Variants in SIDT1 observed in about 807,000 individuals in gnomAD.
The protein encoded by SIDT1 is SID1 transmembrane family member 1.
A neutral mutation model predicts 107.5 loss-of-function variants in SIDT1; 101 were observed. The ratio of observed to expected loss-of-function variants is 0.94; its 90% CI spans 0.80 to 1.11. The LOEUF is 1.11. Ranked by LOEUF, SIDT1 falls within the 50% of genes least tolerant of loss-of-function variation. The pLI is 0.00. For missense variants in SIDT1, 1,076 were observed against 1,058.2 expected, an observed-to-expected ratio of 1.02 and a Z score of -0.23; for synonymous variants, 395 against 398.2, an observed-to-expected ratio of 0.99 and a Z score of 0.10.
At chr3:113,551,353 T>G (rs1390085459) in intron 1 of SIDT1, among the ~76,000 whole-genome samples, 1 of 152,260 alleles carries the variant, frequency 6.6e-6, no homozygotes, top group East Asian at 1.9e-4. Flanking sequence ...CCCAATCTCT[T>G]CCCACTTAAC....
chr3:113,533,348 AC>A (rs1253398036), intron 1 of SIDT1, 105 bp downstream of exon 1: 8 of 884,006 alleles, frequency 9.0e-6, no homozygotes, highest in African/African-American at 3.6e-5. Context: ...GACTTCGGGG[AC>A]CAGGGGACTT....
chr3:113,566,385 C>G (rs996441378), intron 1 of SIDT1, 35 bp from the exon 2 acceptor site: 9 of 1,601,548 alleles, frequency 5.6e-6, no homozygotes, highest in Non-Finnish European at 7.7e-6. Flanking sequence ...TGCATGTGCA[C>G]GTTTTGCATT....
intron 15 of SIDT1, 58 bp downstream of exon 15, chr3:113,607,172 T>TC: frequency 8.8e-7 from 1 of 1,140,988 alleles, no homozygotes; most frequent in Non-Finnish European, 1.3e-6. Flanking sequence ...CTGTCTAATG[T>TC]TGTGATTTCG....
intron 3 of SIDT1, among the ~76,000 whole-genome samples, chr3:113,576,039 C>T (rs1412873240): frequency 6.6e-6 from 1 of 152,182 alleles, no homozygotes; most frequent in Non-Finnish European, 1.5e-5. Context: ...AGAGAAAAAG[C>T]CCAAAGTAGT....
At chr3:113,572,560 G>A (rs1942553266) in intron 3 of SIDT1, among the ~76,000 whole-genome samples, 1 of 152,194 alleles carries the variant, frequency 6.6e-6, no homozygotes, top group Non-Finnish European at 1.5e-5. Flanking sequence ...ATGAGTGGCA[G>A]TGTGGAAGAG....
chr3:113,604,218 C>A (rs1576926643), intron 13 of SIDT1, among the ~76,000 whole-genome samples, 185 bp downstream of exon 13: 1 of 152,328 alleles, frequency 6.6e-6, no homozygotes, highest in South Asian at 2.1e-4. Flanking sequence ...CCCTCCCAGC[C>A]AAGAGGCTGA....
In SIDT1 at chr3:113,621,551, T is replaced by C. The variant is rs1024358229; in HGVS notation, c.2090+1825T>C. 2.0e-5 allele frequency among the ~76,000 whole-genome samples: 3 copies of C among 152,350 alleles called. No individual in the cohort carries two copies. In the East Asian group the frequency reaches 5.8e-4, roughly 29 times the overall value. On this transcript the variant is annotated intron_variant, in intron 21 of 24. Coordinates refer to ENST00000264852, the MANE Select transcript of SIDT1 (RefSeq NM_017699.3). Reference sequence around the variant, plus strand: ...ACTTAGGAATAAATTTTGAGAGATGTACACAATCTTTCTGTAGAAAATGTA... The same window carrying C: ...ACTTAGGAATAAATTTTGAGAGATGCACACAATCTTTCTGTAGAAAATGTA...
At position 113,626,131 on chromosome 3, in the gene SIDT1, C is replaced by A; in HGVS notation, c.2337C>A (p.Asn779Lys). The change falls in exon 24 of 25, where the codon AAC becomes AAA. Residue 779 changes from asparagine (N) to lysine (K), a missense_variant. Transcript: ENST00000264852. ...EGTPAESREK[N>K]RECILLDFFD... ...CTCCGGCCGAATCCCGGGAGAAGAA[C>A]CGCGAGTGCATTCTGCTGGATTTCT... The A allele has an allele frequency of 3.1e-6, 5 of 1,614,110 alleles. No individual in the cohort carries two copies. The highest frequency in any genetic ancestry group is 4.2e-6 in the Non-Finnish European group (5 of 1,179,974).
intron 6 of SIDT1, 25 bp downstream of exon 6, chr3:113,581,469 T>C (rs769576871): frequency 6.3e-7 from 1 of 1,575,872 alleles, no homozygotes; most frequent in Non-Finnish European, 8.7e-7. Context: ...CTGTGGGCAT[T>C]ATTGCCAATG....
At chr3:113,626,348 G>A in intron 24 of SIDT1, 133 bp downstream of exon 24, 1 of 596,666 alleles carries the variant, frequency 1.7e-6, no homozygotes, top group Non-Finnish European at 2.9e-6. Context: ...GTAATTCAAT[G>A]TACAGACCAT....
intron 24 of SIDT1, 84 bp downstream of exon 24, chr3:113,626,299 T>C: frequency 1.2e-6 from 1 of 860,300 alleles, no homozygotes; most frequent in South Asian, 1.5e-5. Context: ...CTTACTTTTT[T>C]TTATATTCCT....
At chr3:113,583,523 T>G (rs746117040) in intron 7 of SIDT1, 27 bp downstream of exon 7, 1 of 1,513,496 alleles carries the variant, frequency 6.6e-7, no homozygotes, top group South Asian at 1.3e-5. Flanking sequence ...AACACTTGGC[T>G]GCTTAGCAAA....
In SIDT1 at chr3:113,611,160, T is replaced by C. The variant is rs1350076002; in HGVS notation, c.1857+16T>C. ...CCTTGGAGTGGTGCGTCCCCCACCT[T>C]CTTCCACCTGGCTCTCGAAAAGTGC... On this transcript the variant is annotated intron_variant, in intron 18 of 24. Coordinates refer to ENST00000264852, the MANE Select transcript of SIDT1 (RefSeq NM_017699.3). 6.2e-6 allele frequency: 10 copies of C among 1,611,374 alleles called. No individual in the cohort carries two copies. Among genetic ancestry groups the C allele is most frequent in the Non-Finnish European group, 8.5e-6 (10 of 1,178,402 alleles).
chr3:113,571,486 G>GCGCACA (rs1553789357), intron 3 of SIDT1, among the ~76,000 whole-genome samples: 1 of 148,852 alleles, frequency 6.7e-6, no homozygotes, highest in African/African-American at 2.5e-5. Context: ...CCTATCCTCT[G>GCGCACA]CACACACACA....
chr3:113,612,429 C>A lies in SIDT1; in HGVS notation c.1966+235C>A, dbSNP rs1271663277. 5.1e-6 allele frequency: 3 copies of A among 586,656 alleles called. No individual in the cohort carries two copies. The Admixed American group carries it at 6.5e-5, about 13-fold the overall frequency. The allele number at this position is 586,656 out of a possible 1,614,324, so 36.3% of individuals were successfully genotyped here. On this transcript the variant is annotated intron_variant, in intron 19 of 24. Transcript: ENST00000264852. Reference sequence around the variant, plus strand: ...AGCTGAGAAACTAAGGTTTGCCACACCTCAGAGATGAGTTGTACCTCCAAC... The same window carrying A: ...AGCTGAGAAACTAAGGTTTGCCACAACTCAGAGATGAGTTGTACCTCCAAC...
intron 11 of SIDT1, chr3:113,601,999 C>A: frequency 5.2e-6 from 1 of 192,200 alleles, no homozygotes; most frequent in Non-Finnish European, 1.1e-5. Flanking sequence ...CATCAATTGA[C>A]CAGTTGTTTC....
chr3:113,615,386 A>C (rs950357), intron 19 of SIDT1, among the ~76,000 whole-genome samples: 41,664 of 152,118 alleles, frequency 0.27, 6,988 homozygotes, highest in Non-Finnish European at 0.37. Context: ...TGCTTTGGGC[A>C]GACCCAGACT....
chr3:113,599,501 G>A (rs1323798551), intron 10 of SIDT1, among the ~76,000 whole-genome samples: 1 of 152,194 alleles, frequency 6.6e-6, no homozygotes, highest in Non-Finnish European at 1.5e-5. Context: ...TGTCTTTTCA[G>A]TTAAAAAGAT....
chr3:113,532,601 A>T lies in SIDT1; in HGVS notation c.-421A>T, dbSNP rs1937604506. ...TCCTCCTCGATGTGGCGTCAGGTTG[A>T]CTTTTCGAGACTAGCGGGTATTTCT... On this transcript the variant is annotated 5_prime_UTR_variant, in exon 1 of 25. Coordinates refer to ENST00000264852, the MANE Select transcript of SIDT1 (RefSeq NM_017699.3). 6.2e-6 allele frequency: 1 copy of T among 162,060 alleles called. No homozygotes were observed. The highest frequency in any genetic ancestry group is 6.4e-5 in the Admixed American group (1 of 15,524). 10.0% of individuals were successfully genotyped at this position (162,060 alleles called of 1,614,324 possible).
Sources: allele counts gnomAD v4.1 joint callset (sites outside exome capture counted in the v4.1 genomes callset), GRCh38; gene constraint gnomAD v4.1.1; transcripts MANE v1.5; gene names NCBI Gene and HGNC (gene_info 2026-07-23, HGNC 2026-07-21).